The following RBPJ variants were observed in gnomAD, a reference collection of about 807,000 sequenced individuals.
RBPJ encodes recombination signal binding protein for immunoglobulin kappa J region.
RBPJ carries 9 observed loss-of-function variants against 67.8 expected under a neutral mutation model. The ratio of observed to expected loss-of-function variants is 0.13; its 90% CI spans 0.08 to 0.23. The LOEUF (loss-of-function observed/expected upper bound fraction) is 0.23. Among genes scored for constraint, RBPJ ranks in the 10% least tolerant of loss-of-function variants. The pLI is 1.00. For synonymous variants in RBPJ, 198 were observed against 203.3 expected (o/e 0.97, Z 0.22); for missense variants, 305 against 595.6 (o/e 0.51, Z 5.08).
chr4:26,267,389 G>A (rs1484494066), intron 1 of RBPJ, among the ~76,000 whole-genome samples: 1 of 152,122 alleles, frequency 6.6e-6, no homozygotes, highest in Non-Finnish European at 1.5e-5. Flanking sequence ...GTTCCTCTGA[G>A]TATATTTGAC....
At chr4:26,318,623 G>T (rs1722744512), upstream of RBPJ, among the ~76,000 whole-genome samples, 1 of 152,136 alleles carries the variant, frequency 6.6e-6, no homozygotes, top group African/African-American at 2.4e-5. Flanking sequence ...AGGCAACAAG[G>T]CGAGAGCGCA....
chr4:26,128,828 T>C, the RBPJ span, among the ~76,000 whole-genome samples: 1 of 152,178 alleles, frequency 6.6e-6, no homozygotes, highest in African/African-American at 2.4e-5. Flanking sequence ...CTTATGGTAG[T>C]GAATAAGTTT....
chr4:26,157,116 CAAAA>C, the RBPJ span, among the ~76,000 whole-genome samples: 2 of 134,732 alleles, frequency 1.5e-5, no homozygotes, highest in Admixed American at 7.5e-5. Flanking sequence ...AACAAACAAA[CAAAA>C]AAACCCCCAA....
intron 1 of RBPJ, among the ~76,000 whole-genome samples, chr4:26,214,356 AGGAG>A (rs558927127): frequency 8.0e-6 from 1 of 124,318 alleles, no homozygotes; most frequent in Admixed American, 8.3e-5. Context: ...AGGAAGAGAA[AGGAG>A]GAAGGAAGGA....
chr4:26,364,747 T>C (rs1010958034), intron 1 of RBPJ, among the ~76,000 whole-genome samples: 1 of 151,438 alleles, frequency 6.6e-6, no homozygotes, highest in South Asian at 2.1e-4. Flanking sequence ...TGCCTCAGCC[T>C]CCCCAGTAGC....
chr4:26,398,508 C>T (rs1370211177), intron 2 of RBPJ, among the ~76,000 whole-genome samples: 2 of 152,230 alleles, frequency 1.3e-5, no homozygotes, highest in Admixed American at 1.3e-4. Context: ...CAGGAATTTA[C>T]TTTGAGAAAC....
chr4:26,179,673 C>T (rs1716913250), intron 1 of RBPJ, among the ~76,000 whole-genome samples: 1 of 152,098 alleles, frequency 6.6e-6, no homozygotes, highest in South Asian at 2.1e-4. Flanking sequence ...ATAACAGATG[C>T]TGGCAACGTT....
At chr4:26,209,100 T>TAC (rs1266660701) in intron 1 of RBPJ, among the ~76,000 whole-genome samples, 1 of 140,272 alleles carries the variant, frequency 7.1e-6, no homozygotes, top group Non-Finnish European at 1.5e-5. Context: ...AGAAAAAAAA[T>TAC]ATATATATAT....
At chr4:26,396,666 G>T (rs1440502898) in intron 2 of RBPJ, among the ~76,000 whole-genome samples, 2 of 152,246 alleles carry the variant, frequency 1.3e-5, no homozygotes, top group Admixed American at 1.3e-4. Context: ...AGTGGGAGGC[G>T]GGGAGGGGAA....
At chr4:26,401,724 CTACAAA>C (rs1732828371) in intron 2 of RBPJ, among the ~76,000 whole-genome samples, 2 of 152,082 alleles carry the variant, frequency 1.3e-5, no homozygotes, top group South Asian at 4.1e-4. Context: ...GTAATAGAGA[CTACAAA>C]TACAAATAGA....
chr4:26,187,258 C>G (rs10805260), intron 1 of RBPJ, among the ~76,000 whole-genome samples: 99,839 of 152,096 alleles, frequency 0.66, 33,590 homozygotes, highest in African/African-American at 0.8. Flanking sequence ...CACAAACAAG[C>G]TTTTTCTTTT....
At chr4:26,250,152 C>G (rs1013125627) in intron 1 of RBPJ, among the ~76,000 whole-genome samples, 1 of 151,878 alleles carries the variant, frequency 6.6e-6, no homozygotes, top group Non-Finnish European at 1.5e-5. Context: ...CTCATTCTCC[C>G]CATCCCCGAA....
intron 3 of RBPJ, among the ~76,000 whole-genome samples, chr4:26,414,453 G>A (rs553642406): frequency 8.3e-4 from 127 of 152,280 alleles, no homozygotes; most frequent in African/African-American, 2.8e-3. Flanking sequence ...ACAGGTATGG[G>A]TCACCGCGCC....
intron 1 of RBPJ, among the ~76,000 whole-genome samples, chr4:26,297,371 A>T (rs1721913642): frequency 6.6e-6 from 1 of 150,654 alleles, no homozygotes; most frequent in Non-Finnish European, 1.5e-5. Flanking sequence ...AGAAAGAGAG[A>T]GAGAGAGAGA....
intron 2 of RBPJ, among the ~76,000 whole-genome samples, chr4:26,403,907 G>T (rs1401399678): frequency 6.6e-6 from 1 of 152,160 alleles, no homozygotes; most frequent in East Asian, 1.9e-4. Flanking sequence ...ACCCAGTAAT[G>T]GGATTGCTAG....
the RBPJ span, among the ~76,000 whole-genome samples, chr4:26,125,798 CAAA>C: frequency 4.5e-3 from 623 of 138,662 alleles, 7 homozygotes; most frequent in African/African-American, 0.015. Context: ...GACTCCATTT[CAAA>C]AAAAAAAAAA....
chr4:26,187,213 C>A (rs1404221290), intron 1 of RBPJ, among the ~76,000 whole-genome samples: 3 of 152,180 alleles, frequency 2.0e-5, no homozygotes, highest in East Asian at 1.9e-4. Context: ...CAGAGTGAGA[C>A]CCTGTCTCGA....
At chr4:26,223,782 C>T (rs1161268741) in intron 1 of RBPJ, among the ~76,000 whole-genome samples, 4 of 152,180 alleles carry the variant, frequency 2.6e-5, no homozygotes, top group Admixed American at 1.3e-4. Flanking sequence ...TAGACCAAGG[C>T]CAGGAGAGAG....
intron 2 of RBPJ, among the ~76,000 whole-genome samples, chr4:26,392,506 C>G (rs1437320071): frequency 6.6e-6 from 1 of 152,140 alleles, no homozygotes; most frequent in East Asian, 1.9e-4. Flanking sequence ...TTGATACATG[C>G]AACAACATAG....
Sources: allele counts gnomAD v4.1 joint callset (sites outside exome capture counted in the v4.1 genomes callset), GRCh38; gene constraint gnomAD v4.1.1; transcripts MANE v1.5; gene names NCBI Gene and HGNC (gene_info 2026-07-23, HGNC 2026-07-21).